The following MICAL3 variants were observed in gnomAD, a reference collection of about 807,000 sequenced individuals.
The protein encoded by MICAL3 is microtubule associated monooxygenase, calponin and LIM domain containing 3, also known as [F-actin]-monooxygenase MICAL3.
A neutral mutation model predicts 207.4 loss-of-function variants in MICAL3; 62 were observed. That is an observed-to-expected ratio of 0.30 (90% CI 0.24 to 0.37). MICAL3 has a LOEUF of 0.37. Ranked by LOEUF, MICAL3 falls within the 10% of genes least tolerant of loss-of-function variation. The pLI, the probability that MICAL3 is intolerant of heterozygous loss-of-function variation, is 1.00. For missense variants in MICAL3, 2,368 were observed against 2,635.6 expected (o/e 0.90, Z 2.22); for synonymous variants, 1,077 against 1,069.3 (o/e 1.01, Z -0.14).
intron 29 of MICAL3, among the ~76,000 whole-genome samples, chr22:17,801,898 AAAAC>A (rs985741794): frequency 3.9e-5 from 6 of 151,920 alleles, no homozygotes; most frequent in South Asian, 4.2e-4. Context: ...CATCTCAAAA[AAAAC>A]AAACAAACAA....
At chr22:17,828,447 T>C (rs1209276089) in intron 21 of MICAL3, among the ~76,000 whole-genome samples, 1 of 152,240 alleles carries the variant, frequency 6.6e-6, no homozygotes, top group Non-Finnish European at 1.5e-5. Context: ...TGCTGCATGC[T>C]GGGTCTGAGG....
rs368314845 is a variant in MICAL3, at chr22:17,818,007, G to C, written c.4654C>G (p.Arg1552Gly). ...GGCGGGTGGCGAGGCTTCTCGGGGC[G>C]CGGCCAGCAGGACGGGGGCGTGAAG... ...KFFTPPSCWP[R>G]PEKPRHPPLA... The change falls in exon 26 of 32, where the codon CGC (arginine) becomes GGC (glycine). Residue 1552 changes from arginine (R) to glycine (G), a missense_variant. By Grantham distance (125) the Arg-to-Gly change is moderately radical (BLOSUM62 -2). Around this residue, in one of 4 missense-constraint regions of MICAL3, gnomAD observed 1,770 missense variants for 1,863.2 expected, o/e 0.95. Coordinates refer to ENST00000441493, the MANE Select transcript of MICAL3 (RefSeq NM_015241.3). The C allele has an allele frequency of 6.2e-7, 1 of 1,612,152 alleles. No individual in the cohort carries two copies. The highest frequency in any genetic ancestry group is 1.7e-5 in the Admixed American group (1 of 60,008).
chr22:17,904,147 C>T (rs532030640), intron 3 of MICAL3, among the ~76,000 whole-genome samples: 9 of 152,324 alleles, frequency 5.9e-5, no homozygotes, highest in African/African-American at 1.7e-4. Context: ...CAGGGCTCTG[C>T]GCCTCCTGCA....
chr22:17,914,267 T>G (rs1351105021), intron 1 of MICAL3, among the ~76,000 whole-genome samples: 4 of 151,984 alleles, frequency 2.6e-5, no homozygotes, highest in Admixed American at 1.3e-4. Context: ...AGAATGGCAT[T>G]GGGTGGAGGG....
At chr22:17,868,737 C>A (rs868231995) in intron 17 of MICAL3, among the ~76,000 whole-genome samples, 32 of 152,164 alleles carry the variant, frequency 2.1e-4, no homozygotes, top group African/African-American at 7.5e-4. Context: ...GGCCACAGGG[C>A]AAACCCAAGG....
At chr22:17,820,301 C>T (rs1921431909) in intron 25 of MICAL3, among the ~76,000 whole-genome samples, 2 of 152,198 alleles carry the variant, frequency 1.3e-5, no homozygotes, top group South Asian at 4.1e-4. Context: ...TCACAGTTGG[C>T]TTTGCAGCAT....
In MICAL3 at chr22:17,872,989, A is replaced by G. The variant is rs886987611; in HGVS notation, c.2242-966T>C. Reference sequence around the variant, plus strand: ...TGAATACAAGGTGCAGCAGCAAACCATGCCAACACAGTGCTCACAGGCAGG... The same window carrying G: ...TGAATACAAGGTGCAGCAGCAAACCGTGCCAACACAGTGCTCACAGGCAGG... On this transcript the variant is annotated intron_variant, in intron 16 of 31. Coordinates refer to ENST00000441493, the MANE Select transcript of MICAL3 (RefSeq NM_015241.3). The G allele has an allele frequency of 3.5e-5, 23 of 658,884 alleles. No individual in the cohort carries two copies. In the African/African-American group the frequency reaches 3.8e-4, roughly 11 times the overall value. 40.8% of individuals were successfully genotyped at this position (658,884 alleles called of 1,614,324 possible).
chr22:17,831,190 C>A (rs1446295356), intron 21 of MICAL3, among the ~76,000 whole-genome samples: 1 of 152,216 alleles, frequency 6.6e-6, no homozygotes, highest in African/African-American at 2.4e-5. Flanking sequence ...CACCACCCCC[C>A]AGACTTCTGC....
At chr22:17,913,802 A>G (rs1932293742) in intron 1 of MICAL3, among the ~76,000 whole-genome samples, 1 of 152,230 alleles carries the variant, frequency 6.6e-6, no homozygotes. Context: ...GTCAGAAGTG[A>G]CCTGACCTCT....
At chr22:17,921,661 A>G (rs1932802837) in intron 1 of MICAL3, among the ~76,000 whole-genome samples, 1 of 152,120 alleles carries the variant, frequency 6.6e-6, no homozygotes, top group African/African-American at 2.4e-5. Flanking sequence ...GATAATTTTC[A>G]TATTTTTAGT....
At chr22:17,945,004 G>A (rs924083519) in intron 1 of MICAL3, among the ~76,000 whole-genome samples, 7 of 124,966 alleles carry the variant, frequency 5.6e-5, no homozygotes, top group Non-Finnish European at 1.0e-4. Context: ...AGGCACTGGG[G>A]GACCTTTTTT....
chr22:17,941,466 C>A (rs938442528), intron 1 of MICAL3, among the ~76,000 whole-genome samples: 6 of 152,164 alleles, frequency 3.9e-5, no homozygotes, highest in Non-Finnish European at 5.9e-5. Context: ...GCAGGAGACC[C>A]TGCCACTGGG....
intron 1 of MICAL3, among the ~76,000 whole-genome samples, chr22:18,013,358 T>C (rs1048824024): frequency 2.6e-5 from 4 of 152,246 alleles, no homozygotes; most frequent in African/African-American, 9.6e-5. Context: ...GTGTACTCTC[T>C]AATTCTCTTA....
chr22:18,003,775 A>AT (rs112926354), intron 1 of MICAL3, among the ~76,000 whole-genome samples: 2,543 of 143,178 alleles, frequency 0.018, 60 homozygotes, highest in African/African-American at 0.055. Context: ...CCCTTTCTTT[A>AT]TTTTTTTTTT....
chr22:17,810,864 CA>C, intron 27 of MICAL3, 51 bp from the exon 28 acceptor site: 2 of 1,481,850 alleles, frequency 1.3e-6, no homozygotes, highest in Non-Finnish European at 9.4e-7. Flanking sequence ...AGGCCTGGGA[CA>C]GGGGTGGGCA....
At chr22:17,798,789 T>C (rs1387711960) in intron 29 of MICAL3, among the ~76,000 whole-genome samples, 1 of 149,952 alleles carries the variant, frequency 6.7e-6, no homozygotes, top group Non-Finnish European at 1.5e-5. Context: ...TTCTCCTGCC[T>C]CAGCCTCCTG....
intron 20 of MICAL3, chr22:17,834,277 G>C: frequency 9.1e-7 from 1 of 1,101,858 alleles, no homozygotes; most frequent in East Asian, 9.9e-5. Flanking sequence ...AGCTCAGCCA[G>C]TGGACAAAAG....
intron 1 of MICAL3, among the ~76,000 whole-genome samples, chr22:17,974,352 A>G (rs759869975): frequency 8.5e-5 from 13 of 152,192 alleles, no homozygotes; most frequent in Middle Eastern, 3.2e-3. Flanking sequence ...TGCTCAATAA[A>G]CGGGAATTAC....
chr22:17,989,014 T>TCC (rs1921358549), intron 1 of MICAL3, among the ~76,000 whole-genome samples: 1 of 151,976 alleles, frequency 6.6e-6, no homozygotes, highest in African/African-American at 2.4e-5. Flanking sequence ...TGCTGACTCC[T>TCC]CCCCGGCTGA....
Sources: allele counts gnomAD v4.1 joint callset (sites outside exome capture counted in the v4.1 genomes callset), GRCh38; gene constraint gnomAD v4.1.1; regional missense constraint gnomAD v4.1.1; transcripts MANE v1.5; gene names NCBI Gene and HGNC (gene_info 2026-07-23, HGNC 2026-07-21).